Variants in MARK3 observed in about 807,000 individuals in gnomAD.
MARK3 encodes the protein microtubule affinity regulating kinase 3.
Under a neutral mutation model 90.1 loss-of-function variants are expected in MARK3, and 46 were observed. That is an observed-to-expected ratio of 0.51 (90% confidence interval 0.40 to 0.65). The LOEUF (loss-of-function observed/expected upper bound fraction) is 0.65, where lower values mean the gene tolerates loss of function less well. Ranked by LOEUF, MARK3 falls within the 30% of genes least tolerant of loss-of-function variation. The pLI, the probability that MARK3 is intolerant of heterozygous loss-of-function variation, is 0.00. For synonymous variants in MARK3, 321 were observed against 332.6 expected, an observed-to-expected ratio of 0.97 and a Z score of 0.38; for missense variants, 818 against 947.2, an observed-to-expected ratio of 0.86 and a Z score of 1.79.
At chr14:103,448,896 G>C in intron 3 of MARK3, 23 bp from the exon 4 acceptor site, 1 of 1,539,396 alleles carries the variant, frequency 6.5e-7, no homozygotes, top group Non-Finnish European at 8.8e-7. Flanking sequence ...GGGATTATGT[G>C]TTTTGTTTGT....
rs529397127 is a variant in MARK3 at position 103,448,612 on chromosome 14, C to T, written c.298-307C>T. On this transcript the variant is annotated intron_variant, in intron 3 of 17. Transcript: ENST00000429436. Reference sequence around the variant, plus strand: ...CTAAGTTTAATCACAGAAATTATTCCTGCGTAAGTCTGATCTTATGTTTTC... The same window carrying T: ...CTAAGTTTAATCACAGAAATTATTCTTGCGTAAGTCTGATCTTATGTTTTC... Among the ~76,000 whole-genome samples the T allele has an allele frequency of 5.0e-4, 76 of 152,252 alleles. 1 individual carries two copies. Among genetic ancestry groups the T allele is most frequent in the South Asian group, 1.9e-3 (9 of 4,822 alleles).
At chr14:103,457,927 G>A (rs1285050557) in intron 6 of MARK3, among the ~76,000 whole-genome samples, 1 of 152,058 alleles carries the variant, frequency 6.6e-6, no homozygotes, top group Non-Finnish European at 1.5e-5. Context: ...TGTGGAGAAC[G>A]GGGTCTCGCT....
intron 3 of MARK3, among the ~76,000 whole-genome samples, chr14:103,436,895 A>C (rs918136179): frequency 1.3e-5 from 2 of 152,210 alleles, no homozygotes; most frequent in Admixed American, 1.3e-4. Flanking sequence ...ATTCGAGACT[A>C]GCCTGACGAA....
intron 17 of MARK3, among the ~76,000 whole-genome samples, chr14:103,502,427 AC>A (rs2075722002): frequency 6.6e-6 from 1 of 152,230 alleles, no homozygotes; most frequent in Non-Finnish European, 1.5e-5. Flanking sequence ...GTCTCCAGTT[AC>A]CCTGAGTGCC....
intron 3 of MARK3, among the ~76,000 whole-genome samples, chr14:103,444,209 G>T (rs1038118463): frequency 5.5e-4 from 83 of 149,934 alleles, no homozygotes; most frequent in Non-Finnish European, 1.2e-4. Flanking sequence ...TTGGCTATTG[G>T]GACATGTTTC....
At chr14:103,499,180 AT>A (rs1454149993) in intron 16 of MARK3, 1 of 152,204 alleles carries the variant, frequency 6.6e-6, no homozygotes, top group Non-Finnish European at 1.5e-5. Flanking sequence ...GATTTTATTA[AT>A]ATTTTTTAGG....
chr14:103,392,899 T>C (rs2140476900), intron 1 of MARK3, among the ~76,000 whole-genome samples: 1 of 151,662 alleles, frequency 6.6e-6, no homozygotes, highest in South Asian at 2.1e-4. Flanking sequence ...AACCTCCGCC[T>C]CCCGGGTTCA....
intron 6 of MARK3, among the ~76,000 whole-genome samples, chr14:103,459,681 T>TG (rs1000122868): frequency 1.3e-5 from 2 of 151,170 alleles, no homozygotes; most frequent in African/African-American, 4.9e-5. Context: ...TTATTTTTTT[T>TG]TTTGTAATTT....
chr14:103,402,513 C>T (rs1264726198), intron 1 of MARK3, among the ~76,000 whole-genome samples: 1 of 151,148 alleles, frequency 6.6e-6, no homozygotes, highest in East Asian at 1.9e-4. Context: ...GATTGCGCCA[C>T]TGCACTCCAG....
At chr14:103,444,175 G>A (rs1318158033) in intron 3 of MARK3, among the ~76,000 whole-genome samples, 1 of 142,720 alleles carries the variant, frequency 7.0e-6, no homozygotes, top group African/African-American at 2.7e-5. Flanking sequence ...TTTTCCAGTG[G>A]TAATACTTGA....
At chr14:103,444,646 G>A (rs35339837) in intron 3 of MARK3, among the ~76,000 whole-genome samples, 43,399 of 151,858 alleles carry the variant, frequency 0.29, 7,288 homozygotes, top group Non-Finnish European at 0.36. Flanking sequence ...ACATGATGGC[G>A]GGCACCTGTA....
chr14:103,392,109 A>G (rs980422025), intron 1 of MARK3, among the ~76,000 whole-genome samples: 1 of 152,184 alleles, frequency 6.6e-6, no homozygotes, highest in Non-Finnish European at 1.5e-5. Context: ...AGTTAATGCA[A>G]ATAGTCCCCC....
intron 1 of MARK3, among the ~76,000 whole-genome samples, chr14:103,387,415 T>G (rs74087795): frequency 2.3e-4 from 35 of 152,364 alleles, no homozygotes; most frequent in African/African-American, 8.4e-4. Context: ...ATAGAAACTC[T>G]TAGACTAGGT....
chr14:103,492,204 A>G (rs917567188), intron 15 of MARK3, among the ~76,000 whole-genome samples, 170 bp downstream of exon 15: 1 of 152,210 alleles, frequency 6.6e-6, no homozygotes, highest in Non-Finnish European at 1.5e-5. Flanking sequence ...TTTAAAGTAG[A>G]AATTGTAGAG....
At chr14:103,464,869 A>T (rs2093473713) in intron 7 of MARK3, among the ~76,000 whole-genome samples, 1 of 151,618 alleles carries the variant, frequency 6.6e-6, no homozygotes, top group Admixed American at 6.6e-5. Context: ...GCTAATTTTT[A>T]AAAATCTTTT....
intron 2 of MARK3, among the ~76,000 whole-genome samples, chr14:103,410,399 G>A (rs1409059432): frequency 1.3e-5 from 2 of 152,196 alleles, no homozygotes; most frequent in Non-Finnish European, 2.9e-5. Context: ...TTCACCATGA[G>A]TTTGGGAGGG....
intron 15 of MARK3, among the ~76,000 whole-genome samples, chr14:103,493,173 CTT>C (rs1188487076): frequency 6.7e-6 from 1 of 149,576 alleles, no homozygotes; most frequent in Non-Finnish European, 1.5e-5. Flanking sequence ...TCATCTGAAA[CTT>C]CGGTGAGTCA....
intron 15 of MARK3, among the ~76,000 whole-genome samples, chr14:103,497,132 A>C (rs1436777316): frequency 1.3e-5 from 2 of 152,238 alleles, no homozygotes; most frequent in Non-Finnish European, 2.9e-5. Context: ...AATATTTTGG[A>C]TAATACTGCC....
chr14:103,477,232 C>T (rs2093729653), intron 13 of MARK3, among the ~76,000 whole-genome samples: 2 of 152,142 alleles, frequency 1.3e-5, no homozygotes, highest in Admixed American at 1.3e-4. Context: ...TGGCTCACAC[C>T]CGTAATCCCT....
Sources: gnomAD v4.1 joint callset for allele counts (sites outside exome capture counted in the v4.1 genomes callset) on GRCh38, gnomAD v4.1.1 for gene constraint, MANE v1.5 for transcripts, NCBI Gene and HGNC (gene_info 2026-07-23, HGNC 2026-07-21) for gene names.